LIFR: variants seen among roughly 807,000 people sequenced by gnomAD.
LIFR encodes leukemia inhibitory factor receptor.
LIFR carries 84 observed loss-of-function variants against 122.2 expected under a neutral mutation model. The ratio of observed to expected loss-of-function variants is 0.69; its 90% CI spans 0.58 to 0.82. The LOEUF (loss-of-function observed/expected upper bound fraction) is 0.82. LIFR is among the 40% of genes least tolerant of loss of function. The pLI is 0.00. For synonymous variants in LIFR, 422 were observed against 434.7 expected (o/e 0.97, Z 0.36); for missense variants, 1,294 against 1,311.6 (o/e 0.99, Z 0.21).
intron 1 of LIFR, chr5:38,607,957 G>A (rs974137259): frequency 6.6e-6 from 1 of 152,204 alleles, no homozygotes; most frequent in Non-Finnish European, 1.5e-5. Context: ...TTAAAATATA[G>A]GATTGTCCAT....
chr5:38,519,533 ACTAT>A (rs1165933980), intron 5 of LIFR, among the ~76,000 whole-genome samples: 5 of 152,138 alleles, frequency 3.3e-5, no homozygotes, highest in African/African-American at 7.2e-5. Context: ...ACCCTACTTG[ACTAT>A]CTAACACAGA....
At chr5:38,564,981 G>A (rs1748972269) in intron 1 of LIFR, among the ~76,000 whole-genome samples, 1 of 151,704 alleles carries the variant, frequency 6.6e-6, no homozygotes, top group Admixed American at 6.6e-5. Flanking sequence ...CGCCACATTG[G>A]CCAACTGATC....
chr5:38,596,372 T>C (rs114754647), upstream of LIFR, among the ~76,000 whole-genome samples: 63 of 152,296 alleles, frequency 4.1e-4, no homozygotes, highest in Non-Finnish European at 6.9e-4. Flanking sequence ...TTGAAGATTA[T>C]TGGGGCAGAT....
chr5:38,522,610 T>G (rs939437771), intron 5 of LIFR, among the ~76,000 whole-genome samples: 1 of 152,242 alleles, frequency 6.6e-6, no homozygotes, highest in African/African-American at 2.4e-5. Flanking sequence ...CAGGTTTGTA[T>G]GTGGCCTAGA....
At position 38,506,575 on chromosome 5, in the gene LIFR, A is replaced by G. The variant is rs1047393098; in HGVS notation, c.1049T>C (p.Ile350Thr). Reference protein sequence around the residue: ...NCETHDLKEIICSWNPGRVTA... With the variant: ...NCETHDLKEITCSWNPGRVTA... Reference sequence around the variant, plus strand: ...CACCCTTCCTGGATTCCAACTACATATAATTTCTTTTAAATCATGTGTCTC... The same window carrying G: ...CACCCTTCCTGGATTCCAACTACATGTAATTTCTTTTAAATCATGTGTCTC... The change falls in exon 8 of 20, where the codon ATA (isoleucine) becomes ACA (threonine). Residue 350 changes from isoleucine (I) to threonine (T), a missense_variant. Coordinates refer to ENST00000453190, the MANE Select transcript of LIFR (RefSeq NM_001127671.2). The G allele has an allele frequency of 6.2e-7, 1 of 1,613,654 alleles. No homozygotes were observed. Among genetic ancestry groups the G allele is most frequent in the African/African-American group, 1.3e-5 (1 of 74,916 alleles).
chr5:38,526,404 T>C (rs531232303), intron 4 of LIFR, among the ~76,000 whole-genome samples: 18 of 146,996 alleles, frequency 1.2e-4, no homozygotes, highest in Non-Finnish European at 2.2e-4. Context: ...ACATGGTAAG[T>C]ACAAACTTTA....
At chr5:38,536,756 TGGG>T (rs1747315029) in intron 1 of LIFR, among the ~76,000 whole-genome samples, 1 of 152,220 alleles carries the variant, frequency 6.6e-6, no homozygotes, top group Non-Finnish European at 1.5e-5. Flanking sequence ...TATGACAGTC[TGGG>T]GACCTGAGTT....
chr5:38,595,894 C>T (rs543963369), upstream of LIFR, among the ~76,000 whole-genome samples: 16 of 151,964 alleles, frequency 1.1e-4, no homozygotes, highest in African/African-American at 2.7e-4. Flanking sequence ...CCACCGCGCC[C>T]GGCTAATTTT....
Position 38,502,775 on chromosome 5 carries a change from C to G in LIFR, c.1462G>C (p.Glu488Gln), listed in dbSNP as rs1248323163. ...EQRNVTIKGV[E>Q]NSSYLVALDK... ...AGAGCAACAAGATAACTTGAATTTT[C>G]TACTCCTTTGATTGTGACATTCCGC... is the stretch of plus-strand genomic sequence containing the variant. Residue 488 changes from glutamate (E) to glutamine (Q), a missense_variant, in exon 11 of 20, where the codon GAA becomes CAA. Coordinates refer to ENST00000453190, the MANE Select transcript of LIFR (RefSeq NM_001127671.2). 3.1e-6 allele frequency: 5 copies of G among 1,604,476 alleles called. No homozygotes were observed. The highest frequency in any genetic ancestry group is 4.3e-6 in the Non-Finnish European group (5 of 1,172,262).
intron 16 of LIFR, among the ~76,000 whole-genome samples, chr5:38,487,743 G>GA (rs1337112757): frequency 6.6e-6 from 1 of 152,150 alleles, no homozygotes; most frequent in East Asian, 1.9e-4. Context: ...CATGGTAAGT[G>GA]AAACAGCGGA....
intron 1 of LIFR, chr5:38,579,407 T>G (rs962187827): frequency 2.0e-5 from 3 of 152,010 alleles, no homozygotes; most frequent in African/African-American, 4.8e-5. Context: ...AAATATAATC[T>G]GCTATATAGG....
At chr5:38,591,914 A>G (rs2112764779) in intron 1 of LIFR, among the ~76,000 whole-genome samples, 1 of 152,330 alleles carries the variant, frequency 6.6e-6, no homozygotes, top group African/African-American at 2.4e-5. Flanking sequence ...GAAAACCTGC[A>G]TGCTGTGAAG....
At chr5:38,596,651 A>G (rs578058146), upstream of LIFR, among the ~76,000 whole-genome samples, 8 of 152,286 alleles carry the variant, frequency 5.3e-5, no homozygotes, top group South Asian at 2.1e-4. Flanking sequence ...AGCTTCTACC[A>G]TCCTGTCATA....
At chr5:38,597,288 T>A (rs1750125506), upstream of LIFR, among the ~76,000 whole-genome samples, 2 of 151,978 alleles carry the variant, frequency 1.3e-5, no homozygotes, top group South Asian at 4.2e-4. Flanking sequence ...TTAGTTGTAA[T>A]GAGATTATGA....
At chr5:38,518,015 C>A (rs1019486842) in intron 5 of LIFR, among the ~76,000 whole-genome samples, 6 of 150,076 alleles carry the variant, frequency 4.0e-5, no homozygotes, top group Non-Finnish European at 8.9e-5. Context: ...CTACTCAGGA[C>A]ACTGAGGCAA....
chr5:38,507,331 A>G (rs1304858479), intron 7 of LIFR, among the ~76,000 whole-genome samples: 1 of 152,012 alleles, frequency 6.6e-6, no homozygotes, highest in Non-Finnish European at 1.5e-5. Flanking sequence ...TGGGAGGCCA[A>G]GGTGGGCAAA....
chr5:38,580,933 G>A (rs1441561863), intron 1 of LIFR, among the ~76,000 whole-genome samples: 1 of 152,090 alleles, frequency 6.6e-6, no homozygotes, highest in Non-Finnish European at 1.5e-5. Context: ...AGTGGGATAT[G>A]GATTCTGGCA....
At position 38,484,881 on chromosome 5, in the gene LIFR, T is replaced by C. The variant is rs1433974428; in HGVS notation, c.2498-13A>G. On this transcript the variant is annotated splice_polypyrimidine_tract_variant and intron_variant, in intron 17 of 19. Coordinates refer to ENST00000453190, the MANE Select transcript of LIFR (RefSeq NM_001127671.2). ...ATTAATCCCACAGCTGAAACGAGAG[T>C]ATTGCAAATATTAAAATCGCCATTT... The C allele has an allele frequency of 1.3e-6, 2 of 1,568,922 alleles. No homozygotes were observed.
chr5:38,502,594 A>T, intron 11 of LIFR, 43 bp downstream of exon 11: 1 of 1,510,400 alleles, frequency 6.6e-7, no homozygotes, highest in Non-Finnish European at 9.2e-7. Context: ...AAAACTTCAG[A>T]ATACACAGTA....
Sources: allele counts gnomAD v4.1 joint callset (sites outside exome capture counted in the v4.1 genomes callset), GRCh38; gene constraint gnomAD v4.1.1; transcripts MANE v1.5; gene names NCBI Gene and HGNC (gene_info 2026-07-23, HGNC 2026-07-21).